The following SLC5A10 variants were observed in gnomAD, a reference collection of about 807,000 sequenced individuals.
The protein encoded by SLC5A10 is sodium/mannose cotransporter SLC5A10.
Under a neutral mutation model 68.9 loss-of-function variants are expected in SLC5A10, and 55 were observed. The ratio of observed to expected loss-of-function variants is 0.80; its 90% CI spans 0.64 to 1.00. SLC5A10 has a LOEUF of 1.00. Among genes scored for constraint, SLC5A10 ranks in the 50% least tolerant of loss-of-function variants. The pLI, the probability that SLC5A10 is intolerant of heterozygous loss-of-function variation, is 0.00. For missense variants in SLC5A10, 732 were observed against 819.3 expected (o/e 0.89, Z 1.30); for synonymous variants, 344 against 344.8 (o/e 1.00, Z 0.02).
At position 18,969,366 on chromosome 17, in the gene SLC5A10, C is replaced by G; in HGVS notation, c.584C>G (p.Thr195Arg). The G allele has an allele frequency of 6.2e-7, 1 of 1,613,658 alleles. No individual in the cohort carries two copies. Among genetic ancestry groups the G allele is most frequent in the Non-Finnish European group, 8.5e-7 (1 of 1,180,014 alleles). Reference protein sequence around the residue: ...IAGGLAAVIYTDALQTLIMVV... With the variant: ...IAGGLAAVIYRDALQTLIMVV... ...GGGGGCCTGGCTGCTGTAATCTACA[C>G]GGACGCCCTGCAGACGCTCATCATG... The change falls in exon 7 of 15, where the codon ACG becomes AGG. Residue 195 changes from threonine to arginine, a missense_variant. Physicochemically the swap from Thr to Arg is moderately conservative, Grantham distance 71. Coordinates refer to ENST00000395645, the MANE Select transcript of SLC5A10 (RefSeq NM_001042450.4).
At chr17:18,964,593 G>C (rs1413159783) in intron 5 of SLC5A10, among the ~76,000 whole-genome samples, 1 of 152,238 alleles carries the variant, frequency 6.6e-6, no homozygotes, top group Non-Finnish European at 1.5e-5. Flanking sequence ...ACACGGTGAA[G>C]GGGGGACAGA....
intron 9 of SLC5A10, among the ~76,000 whole-genome samples, chr17:19,012,767 G>A (rs2044042975): frequency 6.6e-6 from 1 of 152,212 alleles, no homozygotes; most frequent in Non-Finnish European, 1.5e-5. Context: ...CTCTGCAGCA[G>A]GAAATAGCCT....
At chr17:18,959,379 C>G in intron 3 of SLC5A10, 140 bp downstream of exon 3, 1 of 965,302 alleles carries the variant, frequency 1.0e-6, no homozygotes. Flanking sequence ...TGGGCCAAAT[C>G]GTGTCTTCAG....
chr17:19,015,546 G>C (rs541073874), intron 11 of SLC5A10, among the ~76,000 whole-genome samples: 1 of 152,178 alleles, frequency 6.6e-6, no homozygotes, highest in Non-Finnish European at 1.5e-5. Context: ...GAGGGCCCCC[G>C]GGCCAGCACT....
At chr17:19,012,194 G>T (rs1239148577) in intron 9 of SLC5A10, among the ~76,000 whole-genome samples, 1 of 135,230 alleles carries the variant, frequency 7.4e-6, no homozygotes, top group Non-Finnish European at 1.5e-5. Flanking sequence ...TCATCCCTAC[G>T]TATCACTAGG....
Position 19,019,731 on chromosome 17 carries a change from A to T in SLC5A10, c.1429A>T (p.Ile477Leu). 1 of 1,611,424 alleles carries T rather than the reference A, an allele frequency of 6.2e-7. No homozygotes were observed. The highest frequency in any genetic ancestry group is 8.5e-7 in the Non-Finnish European group (1 of 1,179,640). The change falls in exon 13 of 15, where the codon ATA becomes TTA. Residue 477 changes from isoleucine (I) to leucine (L), a missense_variant. Physicochemically the swap from Ile to Leu is conservative, Grantham distance 5. Transcript: ENST00000395645. The part of the protein sequence containing the change: ...ANEQGAFWGL[I>L]AGLVVGATRL... ...TCCCCAGGGGGCCTTCTGGGGCCTGATAGCAGGGCTGGTGGTGGGGGCCAC... is the reference window on the plus strand; with the variant it reads ...TCCCCAGGGGGCCTTCTGGGGCCTGTTAGCAGGGCTGGTGGTGGGGGCCAC...
rs1373684630 is a variant in SLC5A10, at chr17:19,014,928, C to T, written c.1091-121C>T. Reference sequence around the variant, plus strand: ...CTCCTCAGCTTCTCTCCCTCCCCGCCCTCTGCCTTGGAGGAGCATGCAAAT... The same window carrying T: ...CTCCTCAGCTTCTCTCCCTCCCCGCTCTCTGCCTTGGAGGAGCATGCAAAT... On this transcript the variant is annotated intron_variant, in intron 10 of 14. Coordinates refer to ENST00000395645, the MANE Select transcript of SLC5A10 (RefSeq NM_001042450.4). 1.9e-5 allele frequency: 23 copies of T among 1,235,038 alleles called. No individual in the cohort carries two copies. In the South Asian group the frequency reaches 3.1e-4, roughly 17 times the overall value. 76.5% of individuals were successfully genotyped at this position (1,235,038 alleles called of 1,614,324 possible).
chr17:19,008,121 G>A (rs1004965839), intron 9 of SLC5A10, among the ~76,000 whole-genome samples: 7 of 152,326 alleles, frequency 4.6e-5, no homozygotes, highest in Non-Finnish European at 1.0e-4. Flanking sequence ...TATCTCAGCA[G>A]CTATAGATAA....
At position 18,980,734 on chromosome 17, in the gene SLC5A10, G is replaced by C. The variant is rs1416182593; in HGVS notation, c.982+3745G>C. On this transcript the variant is annotated intron_variant, in intron 9 of 14. Coordinates refer to ENST00000395645, the MANE Select transcript of SLC5A10 (RefSeq NM_001042450.4). ...GGATGGCCAAGGGCATCCCGAAGTA[G>C]AATCACAGGTGTAAAGGGGACCTGG... is the stretch of plus-strand genomic sequence containing the variant. Among the ~76,000 whole-genome samples the C allele has an allele frequency of 7.2e-5, 11 of 152,148 alleles. No individual in the cohort carries two copies. The East Asian group carries it at 2.1e-3, about 29-fold the overall frequency.
intron 1 of SLC5A10, among the ~76,000 whole-genome samples, chr17:18,956,703 C>T (rs945671029): frequency 6.6e-6 from 1 of 152,112 alleles, no homozygotes; most frequent in African/African-American, 2.4e-5. Flanking sequence ...TCTTGAATCC[C>T]TGGCTTGAGT....
At chr17:18,977,607 G>A (rs775207503) in intron 9 of SLC5A10, 11 of 1,608,958 alleles carry the variant, frequency 6.8e-6, no homozygotes, top group African/African-American at 4.0e-5. Context: ...TCTGTGGAGC[G>A]CTGGGCCTGC....
chr17:19,002,482 G>C (rs2043755797), intron 9 of SLC5A10, among the ~76,000 whole-genome samples: 1 of 152,238 alleles, frequency 6.6e-6, no homozygotes, highest in Non-Finnish European at 1.5e-5. Context: ...CAGCATTCTG[G>C]TCTTCTGCAA....
intron 8 of SLC5A10, among the ~76,000 whole-genome samples, chr17:18,974,621 C>T (rs972285138): frequency 1.1e-4 from 17 of 152,206 alleles, no homozygotes; most frequent in African/African-American, 4.1e-4. Flanking sequence ...TCGTGGGCAG[C>T]GTGCTGACTC....
intron 8 of SLC5A10, among the ~76,000 whole-genome samples, chr17:18,974,425 C>A (rs561670465): frequency 6.6e-6 from 1 of 152,248 alleles, no homozygotes; most frequent in Admixed American, 6.5e-5. Flanking sequence ...TCTGGGCTCC[C>A]GTCTGGGCTA....
In SLC5A10 at chr17:19,000,853, C is replaced by T. The variant is rs940738535; in HGVS notation, c.983-12557C>T. On this transcript the variant is annotated intron_variant, in intron 9 of 14. Coordinates refer to ENST00000395645, the MANE Select transcript of SLC5A10 (RefSeq NM_001042450.4). The surrounding 1 kb of genome is among the most constrained non-coding windows in gnomAD (Gnocchi z 5.2). ...TCCCAGGAAGCAGGCAGACAAAGCG[C>T]CCCGTCAGCATCCGTCAGTGTCCGG... Among the ~76,000 whole-genome samples the T allele has an allele frequency of 9.9e-5, 15 of 152,138 alleles. No homozygotes were observed. Among genetic ancestry groups the T allele is most frequent in the Non-Finnish European group, 1.9e-4 (13 of 68,006 alleles).
intron 7 of SLC5A10, chr17:18,970,001 A>G (rs1361146440): frequency 6.6e-6 from 1 of 152,378 alleles, no homozygotes; most frequent in Non-Finnish European, 1.5e-5. Flanking sequence ...GAGAGTGAAC[A>G]AATCTCTAAA....
At chr17:18,989,339 C>G (rs2043351247) in intron 9 of SLC5A10, among the ~76,000 whole-genome samples, 1 of 152,204 alleles carries the variant, frequency 6.6e-6, no homozygotes, top group South Asian at 2.1e-4. Flanking sequence ...TGCGGAGATT[C>G]AGGGTGGTGG....
At chr17:18,967,483 T>C (rs111681650) in intron 5 of SLC5A10, among the ~76,000 whole-genome samples, 3 of 152,286 alleles carry the variant, frequency 2.0e-5, no homozygotes, top group African/African-American at 7.2e-5. Context: ...GGTGAGCCGG[T>C]GAGCAAAGAC....
chr17:18,967,955 G>A (rs988027950), intron 5 of SLC5A10, among the ~76,000 whole-genome samples: 1 of 144,856 alleles, frequency 6.9e-6, no homozygotes, highest in African/African-American at 2.5e-5. Context: ...GACCAGAGCC[G>A]GGGTTCTCCT....
Sources: gnomAD v4.1 joint callset for allele counts (sites outside exome capture counted in the v4.1 genomes callset) on GRCh38, gnomAD v4.1.1 for gene constraint, Gnocchi (gnomAD v3.1) non-coding constraint, MANE v1.5 for transcripts, NCBI Gene and HGNC (gene_info 2026-07-23, HGNC 2026-07-21) for gene names.